The following ZNF362 variants were observed in gnomAD, a reference collection of about 807,000 sequenced individuals.
ZNF362 encodes the protein zinc finger protein 362.
Under a neutral mutation model 42.9 loss-of-function variants are expected in ZNF362, and 11 were observed. The observed-to-expected ratio is 0.26, with a 90% CI of 0.16 to 0.42. The LOEUF (loss-of-function observed/expected upper bound fraction) is 0.42, where lower values mean the gene tolerates loss of function less well. Ranked by LOEUF, ZNF362 falls within the 20% of genes least tolerant of loss-of-function variation. The probability of loss-of-function intolerance (pLI) is 1.00; values close to 1 mark genes in which losing one functional copy is unlikely to be tolerated. For missense variants in ZNF362, 362 were observed against 576.2 expected, an observed-to-expected ratio of 0.63 and a Z score of 3.81; for synonymous variants, 255 against 257.3, an observed-to-expected ratio of 0.99 and a Z score of 0.09.
At chr1:33,181,906 G>C in the ZNF362 span, 3 of 168,750 alleles carry the variant, frequency 1.8e-5, no homozygotes, top group Non-Finnish European at 3.8e-5. This position sits in a 1 kb window ranked among gnomAD's most constrained non-coding sequence, Gnocchi z 6.5. Flanking sequence ...GCCGTACATT[G>C]GCTGTGACCG....
the ZNF362 span, among the ~76,000 whole-genome samples, chr1:33,226,806 A>C: frequency 1.3e-5 from 2 of 152,220 alleles, no homozygotes; most frequent in African/African-American, 2.4e-5. Flanking sequence ...CAGAGGTTGC[A>C]GTGAGCCTGG....
At chr1:33,239,322 G>C in the ZNF362 span, among the ~76,000 whole-genome samples, 2,011 of 152,154 alleles carry the variant, frequency 0.013, 23 homozygotes, top group Middle Eastern at 0.027. Flanking sequence ...TGTTCCCTCT[G>C]GGGTCCCCTA....
rs940950076 is a variant in ZNF362 at position 33,280,416 on chromosome 1, C to G, written c.642C>G (p.Ile214Met). The change falls in exon 5 of 9, where the codon ATC (isoleucine) becomes ATG (methionine). Residue 214 changes from isoleucine to methionine, a missense_variant. Coordinates refer to ENST00000539719, the MANE Select transcript of ZNF362 (RefSeq NM_152493.3). The surrounding 1 kb of genome is among the most constrained non-coding windows in gnomAD (Gnocchi z 5.6). ...CTGTCCTTGTAGTCCCCTATCCCAT[C>G]CTGGCCTCGGGCGAGACTGCCAAGG... ...GPPVLVVPYP[I>M]LASGETAKEG... The G allele has an allele frequency of 1.7e-5, 27 of 1,611,450 alleles. No individual in the cohort carries two copies. The highest frequency in any genetic ancestry group is 2.0e-5 in the Non-Finnish European group (24 of 1,178,816).
chr1:33,181,451 G>T, the ZNF362 span: 1 of 1,577,212 alleles, frequency 6.3e-7, no homozygotes. This position sits in a 1 kb window ranked among gnomAD's most constrained non-coding sequence, Gnocchi z 6.5. Flanking sequence ...GGGCAGCAGA[G>T]AGGGGGGCCC....
chr1:33,255,096 C>T (rs1645778319), upstream of ZNF362, among the ~76,000 whole-genome samples: 1 of 152,202 alleles, frequency 6.6e-6, no homozygotes, highest in Non-Finnish European at 1.5e-5. Flanking sequence ...TCTTGTGCCC[C>T]TGCTCTGTGC....
intron 4 of ZNF362, among the ~76,000 whole-genome samples, chr1:33,277,686 G>C (rs764729004): frequency 6.6e-6 from 1 of 152,190 alleles, no homozygotes; most frequent in Non-Finnish European, 1.5e-5. Context: ...GAGAGGACAG[G>C]ATGTAGGAGC....
the ZNF362 span, chr1:33,145,673 A>G: frequency 3.2e-6 from 1 of 314,618 alleles, no homozygotes; most frequent in Non-Finnish European, 6.3e-6. Context: ...AAGAAAAGTC[A>G]AGGCCGGGGA....
intron 1 of ZNF362, among the ~76,000 whole-genome samples, chr1:33,260,830 A>G (rs780568256): frequency 6.6e-6 from 1 of 152,110 alleles, no homozygotes; most frequent in Non-Finnish European, 1.5e-5. Context: ...AGATGATTAA[A>G]TCATGGAATC....
chr1:33,138,923 C>G, the ZNF362 span, among the ~76,000 whole-genome samples: 1 of 152,098 alleles, frequency 6.6e-6, no homozygotes, highest in Non-Finnish European at 1.5e-5. Flanking sequence ...CCACAGAACA[C>G]ATAGAAAGAT....
intron 1 of ZNF362, among the ~76,000 whole-genome samples, chr1:33,270,223 C>T (rs569180161): frequency 1.8e-4 from 27 of 152,192 alleles, no homozygotes; most frequent in African/African-American, 6.5e-4. Flanking sequence ...GGAGGACACC[C>T]GGGAAAATAT....
At chr1:33,168,792 G>C in the ZNF362 span, among the ~76,000 whole-genome samples, 2 of 151,698 alleles carry the variant, frequency 1.3e-5, no homozygotes, top group Non-Finnish European at 2.9e-5. Flanking sequence ...GTGTGGCTGA[G>C]AGGCAGATGT....
chr1:33,179,486 C>T, the ZNF362 span, among the ~76,000 whole-genome samples: 1 of 152,184 alleles, frequency 6.6e-6, no homozygotes. Flanking sequence ...GTTTGAGTAT[C>T]TCGAGGCCAG....
At chr1:33,225,851 A>G in the ZNF362 span, among the ~76,000 whole-genome samples, 1 of 152,202 alleles carries the variant, frequency 6.6e-6, no homozygotes, top group South Asian at 2.1e-4. Flanking sequence ...GCAGACATGA[A>G]GATGTCTTGC....
rs1288765716 is a variant in ZNF362 at position 33,266,685 on chromosome 1, C to T, written c.-88-3802C>T. 6.6e-6 allele frequency among the ~76,000 whole-genome samples: 1 copy of T among 152,132 alleles called. No homozygotes were observed. The highest frequency in any genetic ancestry group is 1.5e-5 in the Non-Finnish European group (1 of 68,022). ...ATAACCAGATAACCAGACAGTTCCT[C>T]AAGGTGGTGCCAGCTGAGCAGAGTT... On this transcript the variant is annotated intron_variant, in intron 1 of 8. Coordinates refer to ENST00000539719, the MANE Select transcript of ZNF362 (RefSeq NM_152493.3). The surrounding 1 kb of genome is among the most constrained non-coding windows in gnomAD (Gnocchi z 4.3).
At chr1:33,284,286 G>A (rs1055160669) in intron 6 of ZNF362, among the ~76,000 whole-genome samples, 1 of 152,154 alleles carries the variant, frequency 6.6e-6, no homozygotes, top group Non-Finnish European at 1.5e-5. Context: ...TGCAGTCCTT[G>A]TTTCTTACTC....
At chr1:33,136,707 A>G in the ZNF362 span, among the ~76,000 whole-genome samples, 1 of 151,620 alleles carries the variant, frequency 6.6e-6, no homozygotes, top group South Asian at 2.1e-4. Context: ...ACTGTCTATG[A>G]AAATCAGCCA....
the ZNF362 span, chr1:33,159,976 G>T: frequency 6.3e-7 from 1 of 1,587,992 alleles, no homozygotes; most frequent in South Asian, 1.1e-5. This position sits in a 1 kb window ranked among gnomAD's most constrained non-coding sequence, Gnocchi z 4.2. Context: ...GGTTATGGCT[G>T]GGGGAGCAGA....
the ZNF362 span, among the ~76,000 whole-genome samples, chr1:33,222,236 C>T: frequency 6.6e-6 from 1 of 152,100 alleles, no homozygotes; most frequent in South Asian, 2.1e-4. Flanking sequence ...CTATACCTTC[C>T]CCATACTTCC....
the ZNF362 span, among the ~76,000 whole-genome samples, chr1:33,240,380 C>G: frequency 6.6e-6 from 1 of 152,194 alleles, no homozygotes; most frequent in African/African-American, 2.4e-5. Flanking sequence ...CATGTGCCAA[C>G]AATTCAGTGA....
Sources: allele counts gnomAD v4.1 joint callset (sites outside exome capture counted in the v4.1 genomes callset), GRCh38; gene constraint gnomAD v4.1.1; non-coding constraint Gnocchi (gnomAD v3.1); transcripts MANE v1.5; gene names NCBI Gene and HGNC (gene_info 2026-07-23, HGNC 2026-07-21).